Variants in LRRC53 observed in about 807,000 individuals in gnomAD.
LRRC53 encodes leucine-rich repeat-containing protein 53.
In LRRC53, 25 loss-of-function variants were observed where a neutral mutation model predicts 13.6. That is an observed-to-expected ratio of 1.83 (90% confidence interval 1.34 to 2.56). The LOEUF (loss-of-function observed/expected upper bound fraction) is 2.56. Ranked by LOEUF, LRRC53 falls within the 30% of genes most tolerant of loss-of-function variation. The pLI is 0.00. For synonymous variants in LRRC53, 204 were observed against 109.8 expected (o/e 1.86, Z -5.37); for missense variants, 527 against 275.8 (o/e 1.91, Z -6.45).
At chr1:74,505,933 G>C (rs989450851) in intron 1 of LRRC53, among the ~76,000 whole-genome samples, 3 of 152,110 alleles carry the variant, frequency 2.0e-5, no homozygotes, top group Admixed American at 6.6e-5. Flanking sequence ...TTTACTAGTG[G>C]ATATATGTTT....
intron 1 of LRRC53, among the ~76,000 whole-genome samples, chr1:74,496,852 A>T (rs1384023443): frequency 6.6e-6 from 1 of 152,168 alleles, no homozygotes; most frequent in African/African-American, 2.4e-5. Context: ...TTGTACATGG[A>T]TTACATCATG....
chr1:74,532,454 ATTTTTTTCT>A, the LRRC53 span, among the ~76,000 whole-genome samples: 2 of 109,660 alleles, frequency 1.8e-5, no homozygotes, highest in Non-Finnish European at 3.5e-5. Flanking sequence ...TGCTATTATT[ATTTTTTTCT>A]TTTTTTTCTT....
At chr1:74,481,555 C>T (rs1214771030) in intron 2 of LRRC53, among the ~76,000 whole-genome samples, 1 of 152,158 alleles carries the variant, frequency 6.6e-6, no homozygotes, top group Non-Finnish European at 1.5e-5. Context: ...TCCAGACAAC[C>T]CAAGTACCTG....
chr1:74,502,352 A>G (rs781155964), intron 1 of LRRC53, among the ~76,000 whole-genome samples: 7 of 152,176 alleles, frequency 4.6e-5, no homozygotes, highest in South Asian at 2.1e-4. Flanking sequence ...ACATGATGCC[A>G]TTGAATTCAA....
the LRRC53 span, among the ~76,000 whole-genome samples, chr1:74,520,442 G>A: frequency 6.6e-6 from 1 of 151,812 alleles, no homozygotes; most frequent in Non-Finnish European, 1.5e-5. Context: ...TCTTCTCCTT[G>A]GATGGAGAAA....
chr1:74,482,993 T>C (rs1017741615), intron 2 of LRRC53, among the ~76,000 whole-genome samples: 1 of 152,236 alleles, frequency 6.6e-6, no homozygotes, highest in African/African-American at 2.4e-5. Flanking sequence ...GATATATTTG[T>C]TAAGTGTGTA....
chr1:74,507,075 G>A (rs1669941533), intron 1 of LRRC53, among the ~76,000 whole-genome samples: 1 of 152,042 alleles, frequency 6.6e-6, no homozygotes, highest in Admixed American at 6.6e-5. Flanking sequence ...TCTTAATTTA[G>A]TTACAAATAT....
At chr1:74,495,168 G>C (rs1472464914) in intron 1 of LRRC53, among the ~76,000 whole-genome samples, 1 of 152,164 alleles carries the variant, frequency 6.6e-6, no homozygotes, top group Non-Finnish European at 1.5e-5. Context: ...GTATCTGTCT[G>C]CTAGGTGCAA....
chr1:74,522,711 A>G, the LRRC53 span, among the ~76,000 whole-genome samples: 1 of 152,096 alleles, frequency 6.6e-6, no homozygotes, highest in Admixed American at 6.6e-5. Context: ...CCAGAATAAC[A>G]TGATTCATTT....
chr1:74,473,554 A>T (rs796136968), intron 4 of LRRC53, among the ~76,000 whole-genome samples: 13 of 151,242 alleles, frequency 8.6e-5, no homozygotes, highest in African/African-American at 3.2e-4. Flanking sequence ...CATTTTTAAC[A>T]TTGTTAGGTG....
intron 1 of LRRC53, among the ~76,000 whole-genome samples, chr1:74,483,991 A>T (rs1347059010): frequency 6.6e-6 from 1 of 152,170 alleles, no homozygotes; most frequent in Non-Finnish European, 1.5e-5. Context: ...TTAGAAAAAA[A>T]TATTTCTTTT....
At chr1:74,530,688 G>T in the LRRC53 span, among the ~76,000 whole-genome samples, 2 of 151,632 alleles carry the variant, frequency 1.3e-5, no homozygotes, top group Non-Finnish European at 2.9e-5. Flanking sequence ...TGAGGAGTGG[G>T]CCTTATCACT....
chr1:74,516,701 G>T (rs534011741), upstream of LRRC53, among the ~76,000 whole-genome samples: 2 of 152,098 alleles, frequency 1.3e-5, no homozygotes, highest in Non-Finnish European at 1.5e-5. Flanking sequence ...GCTTGGTTGA[G>T]GATGGCTTGT....
chr1:74,475,984 G>A (rs1394531042), intron 3 of LRRC53, among the ~76,000 whole-genome samples, 174 bp from the exon 4 acceptor site: 2 of 152,198 alleles, frequency 1.3e-5, no homozygotes, highest in Non-Finnish European at 2.9e-5. Flanking sequence ...CATTGACATT[G>A]TTCTGCTTTC....
intron 1 of LRRC53, among the ~76,000 whole-genome samples, chr1:74,489,884 G>A (rs1444590831): frequency 6.6e-6 from 1 of 151,892 alleles, no homozygotes; most frequent in Non-Finnish European, 1.5e-5. Context: ...ATTCTCAAAT[G>A]GAAATAAGTG....
chr1:74,475,311 A>G lies in LRRC53; in HGVS notation c.1404T>C (p.His468=), dbSNP rs1420752031. The G allele has an allele frequency of 1.5e-6, 1 of 672,980 alleles. No individual in the cohort carries two copies. The highest frequency in any genetic ancestry group is 1.8e-5 in the African/African-American group (1 of 54,812). The allele number at this position is 672,980 out of a possible 1,614,324, so 41.7% of individuals were successfully genotyped here. A position where few individuals can be genotyped will look rare whatever the true frequency, so the allele number is the denominator to read the frequency against. Residue 468 remains histidine, a synonymous_variant, in exon 4 of 5, where the codon CAT becomes CAC. Coordinates refer to ENST00000294635, the MANE Select transcript of LRRC53 (RefSeq NM_001382280.1). ...GEVQPQTLQH[H]IIRTEDISSD... ...CAAACTCACCTTCTGTTCTTATTAT[A>G]TGGTGTTGCAGAGTTTGAGGCTGGA...
chr1:74,491,102 A>G (rs1353818561), intron 1 of LRRC53, among the ~76,000 whole-genome samples: 1 of 152,242 alleles, frequency 6.6e-6, no homozygotes, highest in Non-Finnish European at 1.5e-5. Context: ...TACACATTTT[A>G]GAAGAGAGAG....
chr1:74,529,879 C>A, the LRRC53 span, among the ~76,000 whole-genome samples: 1 of 152,148 alleles, frequency 6.6e-6, no homozygotes, highest in Non-Finnish European at 1.5e-5. Context: ...TGAACCAGGG[C>A]TTGTTCTTCA....
intron 3 of LRRC53, among the ~76,000 whole-genome samples, chr1:74,476,988 T>G (rs274588): frequency 0.54 from 81,668 of 151,876 alleles, 22,208 homozygotes; most frequent in East Asian, 0.67. Context: ...AAATCTATTT[T>G]AATTCATTTG....
Sources: gnomAD v4.1 joint callset for allele counts (sites outside exome capture counted in the v4.1 genomes callset) on GRCh38, gnomAD v4.1.1 for gene constraint, MANE v1.5 for transcripts, NCBI Gene and HGNC (gene_info 2026-07-23, HGNC 2026-07-21) for gene names.